HDAC9: variants seen among roughly 807,000 people sequenced by gnomAD.
HDAC9 encodes MEF-2 interacting transcription repressor (MITR) protein.
Under a neutral mutation model 139.4 loss-of-function variants are expected in HDAC9, and 41 were observed. The ratio of observed to expected loss-of-function variants is 0.29; its 90% CI spans 0.23 to 0.38. The LOEUF (loss-of-function observed/expected upper bound fraction) is 0.38. Among genes scored for constraint, HDAC9 ranks in the 10% least tolerant of loss-of-function variants. HDAC9 has a pLI of 1.00. For missense variants in HDAC9, 1,147 were observed against 1,297.0 expected (o/e 0.88, Z 1.78); for synonymous variants, 517 against 476.2 (o/e 1.09, Z -1.12).
intron 2 of HDAC9, among the ~76,000 whole-genome samples, chr7:18,163,311 T>A (rs1178638834): frequency 6.6e-6 from 1 of 152,120 alleles, no homozygotes; most frequent in Non-Finnish European, 1.5e-5. Context: ...AATCCCTGAG[T>A]CTTTAGTCAC....
intron 1 of HDAC9, among the ~76,000 whole-genome samples, chr7:18,342,347 C>G (rs1159870867): frequency 1.3e-5 from 2 of 151,794 alleles, no homozygotes; most frequent in Non-Finnish European, 2.9e-5. Context: ...TAAACTGGAA[C>G]AATATTTGGT....
intron 1 of HDAC9, among the ~76,000 whole-genome samples, chr7:18,306,515 T>A (rs1798917358): frequency 6.6e-6 from 1 of 152,212 alleles, no homozygotes; most frequent in African/African-American, 2.4e-5. Context: ...GATAGTAATC[T>A]AAGTTTAATT....
intron 23 of HDAC9, among the ~76,000 whole-genome samples, chr7:18,938,107 C>G (rs1362776411): frequency 6.6e-6 from 1 of 152,028 alleles, no homozygotes; most frequent in African/African-American, 2.4e-5. Flanking sequence ...TTTTAGTACA[C>G]GTGCTTTTCG....
chr7:18,128,791 T>C (rs1040708517), intron 1 of HDAC9, among the ~76,000 whole-genome samples: 1 of 152,116 alleles, frequency 6.6e-6, no homozygotes, highest in Non-Finnish European at 1.5e-5. Context: ...TTATGATTAG[T>C]ACAGCTGAAT....
intron 2 of HDAC9, among the ~76,000 whole-genome samples, chr7:18,555,630 T>C (rs1818564628): frequency 6.6e-6 from 1 of 152,172 alleles, no homozygotes; most frequent in Non-Finnish European, 1.5e-5. Context: ...GAGGATATAC[T>C]GGATCTTAGC....
chr7:18,399,115 T>C (rs536223035), intron 1 of HDAC9, among the ~76,000 whole-genome samples: 3 of 152,186 alleles, frequency 2.0e-5, no homozygotes, highest in Non-Finnish European at 2.9e-5. Context: ...GCAACCCTTA[T>C]AAAAGGCTTT....
At chr7:18,125,758 T>G (rs1784626165) in intron 1 of HDAC9, among the ~76,000 whole-genome samples, 1 of 152,194 alleles carries the variant, frequency 6.6e-6, no homozygotes, top group Non-Finnish European at 1.5e-5. Context: ...GCTAAGCAAG[T>G]TGGCCGTGTT....
At chr7:18,989,240 C>G (rs1785649495) in intron 25 of HDAC9, among the ~76,000 whole-genome samples, 1 of 149,194 alleles carries the variant, frequency 6.7e-6, no homozygotes, top group South Asian at 2.1e-4. Flanking sequence ...CCTTCAGGAG[C>G]TCTTTTAGGG....
At chr7:18,826,034 A>G (rs1795406512) in intron 17 of HDAC9, among the ~76,000 whole-genome samples, 1 of 152,102 alleles carries the variant, frequency 6.6e-6, no homozygotes, top group African/African-American at 2.4e-5. Context: ...GGATGGTAGA[A>G]AAGCAGGAAG....
chr7:18,681,053 G>A (rs1179172294), intron 12 of HDAC9, among the ~76,000 whole-genome samples: 2 of 151,992 alleles, frequency 1.3e-5, no homozygotes, highest in African/African-American at 4.8e-5. Flanking sequence ...GGAAGTTTTA[G>A]TTTTCTACTA....
intron 12 of HDAC9, among the ~76,000 whole-genome samples, chr7:18,680,015 A>C (rs975164379): frequency 2.0e-5 from 3 of 151,968 alleles, no homozygotes; most frequent in Non-Finnish European, 4.4e-5. Context: ...CCAGGATGAC[A>C]ATTACTATGG....
intron 2 of HDAC9, among the ~76,000 whole-genome samples, chr7:18,275,649 C>G (rs6951248): frequency 0.4 from 61,251 of 152,064 alleles, 14,017 homozygotes; most frequent in Admixed American, 0.53. Flanking sequence ...GTGCTCCCAC[C>G]AGACATATTT....
chr7:18,797,862 T>A lies in HDAC9; in HGVS notation c.2322+4410T>A, dbSNP rs146411247. 8.7e-3 allele frequency among the ~76,000 whole-genome samples: 1,330 copies of A among 152,072 alleles called. 13 individuals are homozygous for A. Among genetic ancestry groups the A allele is most frequent in the South Asian group, 0.023 (110 of 4,816 alleles). On this transcript the variant is annotated intron_variant, in intron 17 of 25. Coordinates refer to ENST00000686413, the MANE Select transcript of HDAC9 (RefSeq NM_178425.4). ...AAAAAAATTCCTTTCGTCTTGTTAA[T>A]AGCTTTAAACATGCTTTTTGCTTTA...
At chr7:18,450,175 G>A (rs1792683073) in intron 1 of HDAC9, among the ~76,000 whole-genome samples, 1 of 152,160 alleles carries the variant, frequency 6.6e-6, no homozygotes, top group Middle Eastern at 3.2e-3. Flanking sequence ...TAATGTTTTT[G>A]GAAGTCCTTC....
intron 16 of HDAC9, among the ~76,000 whole-genome samples, chr7:18,782,168 A>G (rs192078796): frequency 1.6e-4 from 24 of 152,196 alleles, no homozygotes; most frequent in Admixed American, 1.4e-3. Context: ...AACTGCTCAG[A>G]ACTGGGTGAA....
chr7:18,204,356 TA>T (rs1027516980), intron 2 of HDAC9, among the ~76,000 whole-genome samples: 23 of 150,876 alleles, frequency 1.5e-4, no homozygotes, highest in Admixed American at 5.3e-4. Flanking sequence ...TTTTTGGAAT[TA>T]TTTACTCAGT....
In HDAC9 at chr7:18,732,944, C is replaced by CACACGTGTGTATGTGTATAT. The variant is rs1554339664; in HGVS notation, c.1909+5195_1909+5196insGTATGTGTATATACACGTGT. 7.3e-4 allele frequency among the ~76,000 whole-genome samples: 54 copies of CACACGTGTGTATGTGTATAT among 74,314 alleles called. 11 individuals are homozygous for CACACGTGTGTATGTGTATAT. Among genetic ancestry groups the CACACGTGTGTATGTGTATAT allele is most frequent in the African/African-American group, 3.8e-3 (51 of 13,358 alleles). 48.8% of individuals were successfully genotyped at this position (74,314 alleles called of 152,430 possible). A position where few individuals can be genotyped will look rare whatever the true frequency, so the allele number is the denominator to read the frequency against. The stretch of plus-strand genomic sequence containing the variant: ...ACACACGTGTGTATGTATGTGTATA[C>CACACGTGTGTATGTGTATAT]ACACGTGTATGTGTGTGTATGTGTA... On this transcript the variant is annotated intron_variant, in intron 13 of 25. Coordinates refer to ENST00000686413, the MANE Select transcript of HDAC9 (RefSeq NM_178425.4).
chr7:18,525,710 C>A (rs1806628886), intron 2 of HDAC9, among the ~76,000 whole-genome samples: 1 of 152,194 alleles, frequency 6.6e-6, no homozygotes, highest in African/African-American at 2.4e-5. Context: ...GAAATGGGAC[C>A]TCTCTTTGAG....
chr7:18,675,752 GA>G (rs1321402235), intron 12 of HDAC9, among the ~76,000 whole-genome samples: 2 of 151,954 alleles, frequency 1.3e-5, no homozygotes, highest in Non-Finnish European at 2.9e-5. Context: ...CCTGCCCCAA[GA>G]GTTGAGAACC....
Sources: gnomAD v4.1 joint callset for allele counts (sites outside exome capture counted in the v4.1 genomes callset) on GRCh38, gnomAD v4.1.1 for gene constraint, MANE v1.5 for transcripts, NCBI Gene and HGNC (gene_info 2026-07-23, HGNC 2026-07-21) for gene names.